NELL1: variants seen among roughly 807,000 people sequenced by gnomAD.
NELL1 encodes the protein neural EGFL like 1.
NELL1 carries 76 observed loss-of-function variants against 107.4 expected under a neutral mutation model. That is an observed-to-expected ratio of 0.71 (90% CI 0.59 to 0.86). The LOEUF (loss-of-function observed/expected upper bound fraction) is 0.86. Ranked by LOEUF, NELL1 falls within the 40% of genes least tolerant of loss-of-function variation. The pLI is 0.00. For missense variants in NELL1, 1,024 were observed against 1,005.5 expected (o/e 1.02, Z -0.25); for synonymous variants, 353 against 341.2 (o/e 1.03, Z -0.38).
intron 14 of NELL1, among the ~76,000 whole-genome samples, chr11:21,320,886 G>A (rs954375370): frequency 9.2e-5 from 14 of 152,144 alleles, no homozygotes; most frequent in African/African-American, 2.7e-4. Flanking sequence ...AATACTTCCT[G>A]TGGTTTATTG....
intron 12 of NELL1, among the ~76,000 whole-genome samples, chr11:21,052,306 G>A (rs956672935): frequency 3.3e-5 from 5 of 152,020 alleles, no homozygotes; most frequent in African/African-American, 1.2e-4. Flanking sequence ...TGGGACCACA[G>A]AAGAGTCTGA....
chr11:21,443,907 T>C (rs577371095), intron 15 of NELL1, among the ~76,000 whole-genome samples: 1 of 151,932 alleles, frequency 6.6e-6, no homozygotes, highest in Non-Finnish European at 1.5e-5. Flanking sequence ...TTTCTGATTA[T>C]AAAATATGCT....
chr11:20,915,700 G>GATATATATATATATATAT (rs369114547), intron 5 of NELL1, among the ~76,000 whole-genome samples: 2,328 of 29,164 alleles, frequency 0.08, 442 homozygotes, highest in East Asian at 0.17. Context: ...CCTCATAGAT[G>GATATATATATATATATAT]ATATATATAT....
At chr11:21,351,382 A>G (rs1407099735) in intron 14 of NELL1, among the ~76,000 whole-genome samples, 3 of 152,116 alleles carry the variant, frequency 2.0e-5, no homozygotes, top group Admixed American at 6.6e-5. Flanking sequence ...GATGGTCATC[A>G]GGTAATTACA....
chr11:20,901,858 A>G (rs544152493), intron 5 of NELL1, among the ~76,000 whole-genome samples: 4 of 152,250 alleles, frequency 2.6e-5, no homozygotes, highest in Admixed American at 6.5e-5. Context: ...TGAGGAAAGG[A>G]TGGATTCATC....
intron 2 of NELL1, among the ~76,000 whole-genome samples, chr11:20,781,451 GGAT>G (rs1229789753): frequency 7.2e-5 from 11 of 152,056 alleles, no homozygotes; most frequent in Non-Finnish European, 1.5e-4. Context: ...CCATGGGGTT[GGAT>G]GATATCACTC....
chr11:21,294,289 C>G (rs1288881968), intron 14 of NELL1, among the ~76,000 whole-genome samples: 1 of 152,024 alleles, frequency 6.6e-6, no homozygotes, highest in African/African-American at 2.4e-5. Flanking sequence ...CTTATACCAT[C>G]TCAAGGACTA....
intron 12 of NELL1, among the ~76,000 whole-genome samples, chr11:21,106,125 A>G (rs1294961286): frequency 6.6e-6 from 1 of 151,662 alleles, no homozygotes; most frequent in Non-Finnish European, 1.5e-5. Context: ...TATGAAGCCA[A>G]TATTTAAAAA....
At position 21,573,372 on chromosome 11, in the gene NELL1, C is replaced by T. The variant is rs1315726858; in HGVS notation, c.2345C>T (p.Thr782Met). The T allele has an allele frequency of 5.0e-6, 8 of 1,612,084 alleles. No individual in the cohort carries two copies. Among genetic ancestry groups the T allele is most frequent in the African/African-American group, 2.7e-5 (2 of 74,732 alleles). ...TCACGGCTTAGTGGCTCAGTGTGGA[C>T]GATGGCTGGATCTCCCTGCACAACC... is the stretch of plus-strand genomic sequence containing the variant. ...GVSRLSGSVW[T>M]MAGSPCTTCK... Residue 782 changes from threonine (T) to methionine (M), a missense_variant, in exon 19 of 20, where the codon ACG becomes ATG. Thr to Met is a moderately conservative substitution (Grantham distance 81). Transcript: ENST00000357134.
chr11:20,957,407 A>G (rs1851197891), intron 11 of NELL1, among the ~76,000 whole-genome samples: 1 of 152,224 alleles, frequency 6.6e-6, no homozygotes, highest in Non-Finnish European at 1.5e-5. Flanking sequence ...GACCCCTGAC[A>G]GAAGGAAACA....
intron 14 of NELL1, among the ~76,000 whole-genome samples, chr11:21,339,887 G>A (rs1590851625): frequency 6.6e-6 from 1 of 152,288 alleles, no homozygotes; most frequent in South Asian, 2.1e-4. Context: ...AAGCTCCACA[G>A]GGGCTGGCTA....
At chr11:20,976,249 T>G (rs985146386) in intron 12 of NELL1, among the ~76,000 whole-genome samples, 2 of 151,730 alleles carry the variant, frequency 1.3e-5, no homozygotes, top group African/African-American at 4.8e-5. Context: ...ATGTTCAGGT[T>G]GATTTTTTAC....
Position 20,987,647 on chromosome 11 carries a change from C to T in NELL1, c.1300+27087C>T, listed in dbSNP as rs543176778. Among the ~76,000 whole-genome samples the T allele has an allele frequency of 2.0e-4, 31 of 152,254 alleles. No homozygotes were observed. The South Asian group carries it at 5.4e-3, about 26-fold the overall frequency. The stretch of plus-strand genomic sequence containing the variant: ...CTCCGATGATTCAATTACCTCCCAC[C>T]GGGTCCCTCCCAGAATACCTGGAAA... On this transcript the variant is annotated intron_variant, in intron 12 of 19. Coordinates refer to ENST00000357134, the MANE Select transcript of NELL1 (RefSeq NM_006157.5).
intron 12 of NELL1, 30 bp from the exon 13 acceptor site, chr11:21,113,559 C>A (rs371264222): frequency 6.2e-7 from 1 of 1,600,940 alleles, no homozygotes; most frequent in Non-Finnish European, 8.5e-7. Context: ...ATTTTGCTAA[C>A]CATGATCTTA....
intron 14 of NELL1, among the ~76,000 whole-genome samples, chr11:21,251,932 G>A (rs1858648791): frequency 6.6e-6 from 1 of 151,952 alleles, no homozygotes; most frequent in Non-Finnish European, 1.5e-5. Context: ...GAAAATCAAG[G>A]GCAAGAACAA....
Position 21,170,029 on chromosome 11 carries a change from C to T in NELL1, c.1426+56315C>T. On this transcript the variant is annotated intron_variant, in intron 13 of 19. Transcript: ENST00000357134. ...AGCACTCAGATGTGGACAGGGTTGT[C>T]ATCAGCACAGACCACATCCCTGAGC... 1.7e-6 allele frequency: 2 copies of T among 1,192,818 alleles called. 1 individual carries two copies. Among genetic ancestry groups the T allele is most frequent in the South Asian group, 2.4e-5 (2 of 82,466 alleles). The allele number at this position is 1,192,818 out of a possible 1,614,324, so 73.9% of individuals were successfully genotyped here.
intron 14 of NELL1, among the ~76,000 whole-genome samples, chr11:21,261,883 T>C (rs1223041495): frequency 1.3e-5 from 2 of 151,858 alleles, no homozygotes; most frequent in Non-Finnish European, 2.9e-5. Context: ...CAGATTCAAT[T>C]GGTGTTTTCG....
In NELL1 at chr11:21,211,777, A is replaced by G. The variant is rs113240190; in HGVS notation, c.1427-17555A>G. Among the ~76,000 whole-genome samples the G allele has an allele frequency of 3.5e-3, 532 of 152,224 alleles. 2 individuals are homozygous for G. Among genetic ancestry groups the G allele is most frequent in the African/African-American group, 0.012 (495 of 41,546 alleles). The stretch of plus-strand genomic sequence containing the variant: ...GAGATTAAGGGAGAAGGAGGTATCA[A>G]GAATGAATAATAACTGCACGGTTCT... On this transcript the variant is annotated intron_variant, in intron 13 of 19. Transcript: ENST00000357134.
chr11:20,727,046 G>A lies in NELL1; in HGVS notation c.184+48986G>A, dbSNP rs563142883. Among the ~76,000 whole-genome samples, 335 of 152,156 alleles carry A rather than the reference G, an allele frequency of 2.2e-3. 1 individual carries two copies. The highest frequency in any genetic ancestry group is 7.6e-3 in the African/African-American group (316 of 41,492). On this transcript the variant is annotated intron_variant, in intron 2 of 19. Transcript: ENST00000357134. ...AGTTTTTGCTATTGTGAATAGTGCCGCAATAAACCTCTGTGTGCATGTGTC... is the reference window on the plus strand; with the variant it reads ...AGTTTTTGCTATTGTGAATAGTGCCACAATAAACCTCTGTGTGCATGTGTC...
Sources: allele counts gnomAD v4.1 joint callset (sites outside exome capture counted in the v4.1 genomes callset), GRCh38; gene constraint gnomAD v4.1.1; transcripts MANE v1.5; gene names NCBI Gene and HGNC (gene_info 2026-07-23, HGNC 2026-07-21).